GRIK4: variants seen among roughly 807,000 people sequenced by gnomAD.
The protein encoded by GRIK4 is glutamate ionotropic receptor kainate type subunit 4.
A neutral mutation model predicts 104.9 loss-of-function variants in GRIK4; 40 were observed. The ratio of observed to expected loss-of-function variants is 0.38; its 90% CI spans 0.30 to 0.50. The LOEUF (loss-of-function observed/expected upper bound fraction) is 0.50, where lower values mean the gene tolerates loss of function less well. GRIK4 is among the 20% of genes least tolerant of loss of function. The pLI, the probability that GRIK4 is intolerant of heterozygous loss-of-function variation, is 0.93. For synonymous variants in GRIK4, 485 were observed against 524.9 expected (o/e 0.92, Z 1.04); for missense variants, 1,047 against 1,308.1 (o/e 0.80, Z 3.08).
rs149576108 is a variant in GRIK4 at position 120,617,321 on chromosome 11, G to A, written c.-158-36364G>A. ...GGTTGGATGAACAGCTGACTAAGAA[G>A]ATTAATAGTTCATGACTGGGAAAAG... On this transcript the variant is annotated intron_variant, in intron 1 of 20. Coordinates refer to ENST00000527524, the MANE Select transcript of GRIK4 (RefSeq NM_014619.5). Among the ~76,000 whole-genome samples, 784 of 152,174 alleles carry A rather than the reference G, an allele frequency of 5.2e-3. 4 individuals carry two copies. The highest frequency in any genetic ancestry group is 0.014 in the Middle Eastern group (4 of 294).
intron 1 of GRIK4, among the ~76,000 whole-genome samples, chr11:120,611,846 C>A (rs1336465726): frequency 6.6e-6 from 1 of 152,186 alleles, no homozygotes; most frequent in Non-Finnish European, 1.5e-5. Context: ...AGGCCTGGTG[C>A]GCCCCACCTG....
At chr11:120,721,285 A>T (rs1014559317) in intron 3 of GRIK4, among the ~76,000 whole-genome samples, 1 of 152,210 alleles carries the variant, frequency 6.6e-6, no homozygotes, top group African/African-American at 2.4e-5. Context: ...TGGATGAGGC[A>T]TCTGGTTGGC....
intron 1 of GRIK4, among the ~76,000 whole-genome samples, chr11:120,616,050 C>T (rs568371913): frequency 2.0e-5 from 3 of 152,076 alleles, no homozygotes; most frequent in Non-Finnish European, 2.9e-5. Context: ...AGGTCAAGCA[C>T]CCGGGATCCA....
chr11:120,724,963 A>G (rs1951002428), intron 3 of GRIK4, among the ~76,000 whole-genome samples: 1 of 152,004 alleles, frequency 6.6e-6, no homozygotes, highest in African/African-American at 2.4e-5. Flanking sequence ...CAAACATCTG[A>G]CTCTTTCATT....
At chr11:120,556,257 T>C (rs2248540) in intron 1 of GRIK4, among the ~76,000 whole-genome samples, 65,873 of 151,776 alleles carry the variant, frequency 0.43, 15,539 homozygotes, top group African/African-American at 0.58. Flanking sequence ...CTTTGTCTCA[T>C]ACCCCATTTC....
intron 1 of GRIK4, among the ~76,000 whole-genome samples, chr11:120,516,802 A>C (rs921131344): frequency 1.3e-5 from 2 of 152,000 alleles, no homozygotes; most frequent in Non-Finnish European, 2.9e-5. Context: ...GGGCGATGCG[A>C]GGGGAGTAGG....
chr11:120,734,389 A>C (rs1951188482), intron 3 of GRIK4, among the ~76,000 whole-genome samples: 2 of 152,120 alleles, frequency 1.3e-5, no homozygotes, highest in African/African-American at 4.8e-5. Context: ...TAAGGTTTCC[A>C]CTGAAAAGTC....
chr11:120,854,509 AG>A (rs1424999773), intron 8 of GRIK4, among the ~76,000 whole-genome samples: 1 of 152,194 alleles, frequency 6.6e-6, no homozygotes, highest in Non-Finnish European at 1.5e-5. Context: ...GGAGCTGTTA[AG>A]GTTCTTGGAC....
chr11:120,794,818 G>A (rs1178936499), intron 3 of GRIK4, among the ~76,000 whole-genome samples: 1 of 152,190 alleles, frequency 6.6e-6, no homozygotes, highest in African/African-American at 2.4e-5. Flanking sequence ...CAAGCTCCAA[G>A]GCTGGTAGCG....
intron 3 of GRIK4, among the ~76,000 whole-genome samples, chr11:120,709,268 T>C (rs1210726626): frequency 6.6e-6 from 1 of 151,944 alleles, no homozygotes; most frequent in Non-Finnish European, 1.5e-5. Flanking sequence ...ATGCTCATTC[T>C]AGATCTAGTT....
chr11:120,876,391 G>C (rs114404393), intron 11 of GRIK4, among the ~76,000 whole-genome samples: 17 of 5,384 alleles, frequency 3.2e-3, no homozygotes, highest in Non-Finnish European at 4.6e-3. Flanking sequence ...ACCACCACCA[G>C]CCTCATCATC....
intron 3 of GRIK4, among the ~76,000 whole-genome samples, chr11:120,708,619 G>A (rs1348047025): frequency 6.6e-6 from 1 of 152,210 alleles, no homozygotes; most frequent in African/African-American, 2.4e-5. Context: ...CTAAGGGAAC[G>A]TGAACGGGCT....
At chr11:120,796,078 A>G (rs1952508313) in intron 3 of GRIK4, among the ~76,000 whole-genome samples, 1 of 145,300 alleles carries the variant, frequency 6.9e-6, no homozygotes, top group Non-Finnish European at 1.5e-5. Context: ...CTCTGTTGCC[A>G]AGGCCGGAGT....
intron 8 of GRIK4, among the ~76,000 whole-genome samples, chr11:120,839,073 C>G (rs1479993868): frequency 6.6e-6 from 1 of 152,198 alleles, no homozygotes; most frequent in Non-Finnish European, 1.5e-5. Context: ...CAGGTGTGAG[C>G]CACTGCATCT....
At position 120,956,508 on chromosome 11, in the gene GRIK4, C is replaced by T. The variant is rs1010484580; in HGVS notation, c.1701-272C>T. ...GCATGAGCCACCGCACCTGGCCATC[C>T]TCTATTCTGTATTTTGGAGTTCCAC... On this transcript the variant is annotated intron_variant, in intron 15 of 20. Transcript: ENST00000527524. The surrounding 1 kb of genome is among the most constrained non-coding windows in gnomAD (Gnocchi z 4.6). Among the ~76,000 whole-genome samples the T allele has an allele frequency of 9.9e-5, 15 of 152,106 alleles. No individual in the cohort carries two copies. The highest frequency in any genetic ancestry group is 3.4e-4 in the African/African-American group (14 of 41,416).
chr11:120,735,407 G>A (rs552725581), intron 3 of GRIK4, among the ~76,000 whole-genome samples: 1 of 152,082 alleles, frequency 6.6e-6, no homozygotes, highest in African/African-American at 2.4e-5. Context: ...TTCTCTCTCT[G>A]TGCTTAGCCA....
intron 1 of GRIK4, among the ~76,000 whole-genome samples, chr11:120,636,970 C>T (rs1267615266): frequency 1.3e-5 from 2 of 152,142 alleles, no homozygotes; most frequent in African/African-American, 4.8e-5. Flanking sequence ...CAGGGTGCCC[C>T]CCAGTGATAA....
chr11:120,824,947 C>T (rs962739346), intron 6 of GRIK4, among the ~76,000 whole-genome samples: 7 of 151,840 alleles, frequency 4.6e-5, no homozygotes, highest in Admixed American at 4.6e-4. Flanking sequence ...GTTTTTGAGA[C>T]GGAGTCTTGC....
chr11:120,976,328 A>G (rs1387581137), intron 19 of GRIK4, among the ~76,000 whole-genome samples: 2 of 152,160 alleles, frequency 1.3e-5, no homozygotes, highest in African/African-American at 4.8e-5. Context: ...CTTTTCTCCT[A>G]TTATTCTCTC....
Sources: gnomAD v4.1 joint callset for allele counts (sites outside exome capture counted in the v4.1 genomes callset) on GRCh38, gnomAD v4.1.1 for gene constraint, Gnocchi (gnomAD v3.1) non-coding constraint, MANE v1.5 for transcripts, NCBI Gene and HGNC (gene_info 2026-07-23, HGNC 2026-07-21) for gene names.